DCST1: variants seen among roughly 807,000 people sequenced by gnomAD.
The protein encoded by DCST1 is E3 ubiquitin-protein ligase DCST1.
In DCST1, 78 loss-of-function variants were observed where a neutral mutation model predicts 89.1. The ratio of observed to expected loss-of-function variants is 0.88; its 90% confidence interval spans 0.73 to 1.06. The LOEUF (loss-of-function observed/expected upper bound fraction) is 1.06, where lower values mean the gene tolerates loss of function less well. Among genes scored for constraint, DCST1 ranks in the 50% least tolerant of loss-of-function variants. The pLI is 0.00. For synonymous variants in DCST1, 364 were observed against 371.9 expected (o/e 0.98, Z 0.24); for missense variants, 900 against 928.6 (o/e 0.97, Z 0.40).
Position 155,033,984 on chromosome 1 carries a change from A to G in DCST1, c.-53A>G. On this transcript the variant is annotated 5_prime_UTR_variant, in exon 2 of 17. Coordinates refer to ENST00000295542, the MANE Select transcript of DCST1 (RefSeq NM_152494.4). Reference sequence around the variant, plus strand: ...CTTCTCTCACCAGAACCTTGTGTCCAAGGAGGTCCTTCAGGAGACCTGGGA... The same window carrying G: ...CTTCTCTCACCAGAACCTTGTGTCCGAGGAGGTCCTTCAGGAGACCTGGGA... The G allele has an allele frequency of 1.2e-6, 2 of 1,608,126 alleles. No homozygotes were observed. Among genetic ancestry groups the G allele is most frequent in the South Asian group, 2.2e-5 (2 of 90,886 alleles).
chr1:155,047,699 C>A (rs1220078207), intron 14 of DCST1, 88 bp from the exon 15 acceptor site: 1 of 1,203,058 alleles, frequency 8.3e-7, no homozygotes, highest in Non-Finnish European at 1.2e-6. Context: ...CAGAGGACTG[C>A]ACCTCCCACT....
rs1454078196 is a variant in DCST1 at position 155,034,552 on chromosome 1, T to A, written c.179T>A (p.Leu60Gln). The change falls in exon 3 of 17, where the codon CTG becomes CAG. Residue 60 changes from leucine to glutamine, a missense_variant. Physicochemically the swap from Leu to Gln is moderately radical, Grantham distance 113 (BLOSUM62 -2). Transcript: ENST00000295542. ...CTGGGGGCAGGCGCTGGGGGGCTCC[T>A]GGCCATAGGTGAGTGTGGAAGCAGA... Reference protein sequence around the residue: ...LLLGAGAGGLLAIGLFQLLVN... With the variant: ...LLLGAGAGGLQAIGLFQLLVN... The A allele has an allele frequency of 1.2e-6, 2 of 1,613,692 alleles. No individual in the cohort carries two copies. The highest frequency in any genetic ancestry group is 2.7e-5 in the African/African-American group (2 of 74,910).
At chr1:155,043,214 G>A in intron 9 of DCST1, 138 bp from the exon 10 acceptor site, 2 of 1,232,920 alleles carry the variant, frequency 1.6e-6, no homozygotes, top group Non-Finnish European at 2.3e-6. Flanking sequence ...GTGAGCAGAA[G>A]GAAGTGACAA....
At chr1:155,048,264 A>G in intron 16 of DCST1, 94 bp downstream of exon 16, 1 of 982,992 alleles carries the variant, frequency 1.0e-6, no homozygotes, top group Non-Finnish European at 1.6e-6. Flanking sequence ...AGCACCCACC[A>G]ATGGTCGCAG....
intron 8 of DCST1, 149 bp from the exon 9 acceptor site, chr1:155,042,586 A>G: frequency 9.9e-7 from 1 of 1,014,450 alleles, no homozygotes; most frequent in Non-Finnish European, 1.4e-6. Context: ...GAGAGCAGAG[A>G]GGGGAAGACT....
At chr1:155,047,604 G>C (rs941038100) in intron 14 of DCST1, among the ~76,000 whole-genome samples, 183 bp from the exon 15 acceptor site, 1 of 152,268 alleles carries the variant, frequency 6.6e-6, no homozygotes, top group Non-Finnish European at 1.5e-5. Flanking sequence ...AAATCTGCAA[G>C]ATCTGTGCCA....
At chr1:155,040,848 C>T (rs1352925996) in intron 6 of DCST1, among the ~76,000 whole-genome samples, 1 of 152,204 alleles carries the variant, frequency 6.6e-6, no homozygotes, top group Non-Finnish European at 1.5e-5. Context: ...TTTCCTAATA[C>T]CTGAGTGGTC....
intron 4 of DCST1, 74 bp downstream of exon 4, chr1:155,034,801 G>C: frequency 6.5e-7 from 1 of 1,535,294 alleles, no homozygotes; most frequent in Non-Finnish European, 9.0e-7. Context: ...GCCCAGGAAG[G>C]AGTCGGGACT....
Position 155,041,867 on chromosome 1 carries a change from G to C in DCST1, c.892+10G>C. The C allele has an allele frequency of 6.2e-7, 1 of 1,614,150 alleles. No individual in the cohort carries two copies. Among genetic ancestry groups the C allele is most frequent in the Admixed American group, 1.7e-5 (1 of 60,022 alleles). On this transcript the variant is annotated intron_variant, in intron 8 of 16. Transcript: ENST00000295542. ...TGTGGCATTGCCAAGGGTCTGCACA[G>C]TTGCAAAGGGGTGGGGAGCATCGGG...
At chr1:155,035,073 T>TTCAG in intron 4 of DCST1, 1 of 299,466 alleles carries the variant, frequency 3.3e-6, no homozygotes, top group Non-Finnish European at 6.3e-6. Context: ...CATTCATTCA[T>TTCAG]TCACTCAGCA....
chr1:155,034,626 G>A (rs1175116065), intron 3 of DCST1, 27 bp from the exon 4 acceptor site: 2 of 1,614,002 alleles, frequency 1.2e-6, no homozygotes, highest in African/African-American at 2.7e-5. Context: ...CCATCTTTTG[G>A]CCTTTGGCTT....
chr1:155,034,279 C>G, intron 2 of DCST1, 156 bp from the exon 3 acceptor site: 1 of 1,579,480 alleles, frequency 6.3e-7, no homozygotes, highest in Non-Finnish European at 8.6e-7. Context: ...CATACCACTT[C>G]CTCAGGCTCC....
chr1:155,043,411 GGTGCGGGACTACGT>G lies in DCST1; in HGVS notation c.1077_1090del (p.Arg360ProfsTer36). ...CAAGCTGGGAGCGCGTGAGCACCGA[GGTGCGGGACTACGT>G]GTACCGCCAGGAGGCCCGGCTGGAG... On this transcript the variant is annotated frameshift_variant, in exon 10 of 17. Coordinates refer to ENST00000295542, the MANE Select transcript of DCST1 (RefSeq NM_152494.4). LOFTEE classifies it high-confidence loss of function. The G allele has an allele frequency of 6.2e-7, 1 of 1,611,658 alleles. No individual in the cohort carries two copies. Among genetic ancestry groups the G allele is most frequent in the Non-Finnish European group, 8.5e-7 (1 of 1,178,390 alleles).
Position 155,040,543 on chromosome 1 carries a change from C to A in DCST1, c.450C>A (p.Thr150=). The A allele has an allele frequency of 6.3e-7, 1 of 1,592,732 alleles. No individual in the cohort carries two copies. The highest frequency in any genetic ancestry group is 1.3e-5 in the African/African-American group (1 of 74,740). ...ACGTGATCGCATCGCTGGGCTGCAC[C>A]GTGGAGCTGCAGATCAACAACACCC... ...LNNVIASLGC[T]VELQINNTRA... is the part of the protein sequence containing the mutation. Residue 150 remains threonine, a synonymous_variant, in exon 6 of 17, where the codon ACC becomes ACA. Transcript: ENST00000295542.
At chr1:155,040,368 T>A in intron 5 of DCST1, 117 bp from the exon 6 acceptor site, 1 of 1,067,312 alleles carries the variant, frequency 9.4e-7, no homozygotes, top group African/African-American at 1.7e-5. Context: ...TCATAGGCTC[T>A]CGGCCCCACC....
intron 4 of DCST1, among the ~76,000 whole-genome samples, chr1:155,037,461 T>A (rs1258916108): frequency 6.7e-6 from 1 of 148,474 alleles, no homozygotes; most frequent in South Asian, 2.1e-4. Flanking sequence ...TTTTTTTTTT[T>A]AAGACAGAGT....
In DCST1 at chr1:155,043,484, T is replaced by G. The variant is rs1660502095; in HGVS notation, c.1147T>G (p.Cys383Gly). The change falls in exon 10 of 17, where the codon TGC becomes GGC. Residue 383 changes from cysteine (C) to glycine (G), a missense_variant. Cys to Gly is a radical substitution (Grantham distance 159). Transcript: ENST00000295542. ...GGGGCTGCTGCACGTGCTGCTCTCCTGCACTTTCCTGCTGGTCCTGCATGC... is the reference window on the plus strand; with the variant it reads ...GGGGCTGCTGCACGTGCTGCTCTCCGGCACTTTCCTGCTGGTCCTGCATGC... Reference protein sequence around the residue: ...ALGLLHVLLSCTFLLVLHASF... With the variant: ...ALGLLHVLLSGTFLLVLHASF... 3 of 1,601,084 alleles carry G rather than the reference T, an allele frequency of 1.9e-6. No individual in the cohort carries two copies. Among genetic ancestry groups the G allele is most frequent in the Non-Finnish European group, 2.6e-6 (3 of 1,173,074 alleles).
Position 155,050,674 on chromosome 1 carries a change from T to C in DCST1, c.1927T>C (p.Cys643Arg), listed in dbSNP as rs2102371243. 2 of 1,602,186 alleles carry C rather than the reference T, an allele frequency of 1.2e-6. No individual in the cohort carries two copies. Among genetic ancestry groups the C allele is most frequent in the Admixed American group, 1.7e-5 (1 of 59,270 alleles). Residue 643 changes from cysteine (C) to arginine (R), a missense_variant, in exon 17 of 17, where the codon TGC becomes CGC. Cys to Arg is a radical substitution (Grantham distance 180, BLOSUM62 -3). Transcript: ENST00000295542. ...CTGCCCGCTCCTGCGCCGCTGGCTG[T>C]GCCGGCGCTGCGTGGTGTGCCAGGC... ...RGCPLLRRWL[C>R]RRCVVCQAPE...
At position 155,050,668 on chromosome 1, in the gene DCST1, T is replaced by C. The variant is rs915404016; in HGVS notation, c.1921T>C (p.Trp641Arg). 10 of 1,601,550 alleles carry C rather than the reference T, an allele frequency of 6.2e-6. No homozygotes were observed. Among genetic ancestry groups the C allele is most frequent in the East Asian group, 2.3e-5 (1 of 44,376 alleles). Residue 641 changes from tryptophan to arginine, a missense_variant, in exon 17 of 17, where the codon TGG becomes CGG. Transcript: ENST00000295542. The stretch of plus-strand genomic sequence containing the variant: ...CCGCGGCTGCCCGCTCCTGCGCCGC[T>C]GGCTGTGCCGGCGCTGCGTGGTGTG... ...LHRGCPLLRR[W>R]LCRRCVVCQA... is the part of the protein sequence containing the mutation.
Sources: allele counts gnomAD v4.1 joint callset (sites outside exome capture counted in the v4.1 genomes callset), GRCh38; gene constraint gnomAD v4.1.1; transcripts MANE v1.5; gene names NCBI Gene and HGNC (gene_info 2026-07-23, HGNC 2026-07-21).